Variants in SDC3 observed in about 807,000 individuals in gnomAD.
SDC3 encodes syndecan 3, also known as syndecan-3.
SDC3 carries 13 observed loss-of-function variants against 24.4 expected under a neutral mutation model. The observed-to-expected ratio is 0.53, with a 90% CI of 0.35 to 0.85. The LOEUF is 0.85. Among genes scored for constraint, SDC3 ranks in the 40% least tolerant of loss-of-function variants. SDC3 has a pLI of 0.01. For synonymous variants in SDC3, 295 were observed against 260.9 expected, an observed-to-expected ratio of 1.13 and a Z score of -1.26; for missense variants, 571 against 584.5, an observed-to-expected ratio of 0.98 and a Z score of 0.24.
chr1:30,897,624 G>A (rs990638711), intron 1 of SDC3, among the ~76,000 whole-genome samples: 5 of 151,790 alleles, frequency 3.3e-5, no homozygotes, highest in African/African-American at 1.2e-4. Context: ...CATTCATCCT[G>A]TAGGGATACC....
chr1:30,878,605 A>G lies in SDC3; in HGVS notation c.256+18T>C. On this transcript the variant is annotated intron_variant, in intron 2 of 4. Coordinates refer to ENST00000339394, the MANE Select transcript of SDC3 (RefSeq NM_014654.4). ...CTGGTCACTGCCCCCAGGCAGAGGT[A>G]GGGAGGGGGGTACTTACAGCCCGAG... 2 of 1,579,512 alleles carry G rather than the reference A, an allele frequency of 1.3e-6. No homozygotes were observed. Among genetic ancestry groups the G allele is most frequent in the South Asian group, 1.1e-5 (1 of 90,416 alleles).
At chr1:30,875,346 T>G (rs1393512936) in intron 3 of SDC3, among the ~76,000 whole-genome samples, 2 of 152,094 alleles carry the variant, frequency 1.3e-5, no homozygotes, top group African/African-American at 4.8e-5. Context: ...CTGTGCACCT[T>G]CTCCTGGGCT....
At chr1:30,903,859 C>T (rs1272758870) in intron 1 of SDC3, among the ~76,000 whole-genome samples, 1 of 152,154 alleles carries the variant, frequency 6.6e-6, no homozygotes, top group Non-Finnish European at 1.5e-5. Flanking sequence ...CATACTAGCT[C>T]TGCCACTTCT....
rs376005184 is a variant in SDC3, at chr1:30,873,180, G to T, written c.*31C>A. On this transcript the variant is annotated 3_prime_UTR_variant, in exon 5 of 5. Transcript: ENST00000339394. ...GCTGGGGACTGGACAGCAGGGTGGT[G>T]TTGAGGCTGCAGGGAGGCACTGTGG... is the stretch of plus-strand genomic sequence containing the variant. 17 of 1,571,598 alleles carry T rather than the reference G, an allele frequency of 1.1e-5. No homozygotes were observed. The African/African-American group carries it at 1.6e-4, about 15-fold the overall frequency.
chr1:30,878,595 A>G (rs1236902563), intron 2 of SDC3, 28 bp downstream of exon 2: 1 of 1,557,086 alleles, frequency 6.4e-7, no homozygotes. Flanking sequence ...CACTGCCCCC[A>G]GGCAGAGGTA....
At chr1:30,898,806 C>T (rs1638339117) in intron 1 of SDC3, among the ~76,000 whole-genome samples, 1 of 152,220 alleles carries the variant, frequency 6.6e-6, no homozygotes, top group Non-Finnish European at 1.5e-5. Context: ...TCACCATTCA[C>T]TCTTCCCATT....
intron 1 of SDC3, among the ~76,000 whole-genome samples, chr1:30,883,007 C>T (rs895064952): frequency 6.6e-6 from 1 of 152,198 alleles, no homozygotes; most frequent in Non-Finnish European, 1.5e-5. Context: ...GCCACGATTG[C>T]TGTTAGTTTA....
chr1:30,892,924 C>A (rs1639927251), intron 1 of SDC3, among the ~76,000 whole-genome samples: 3 of 152,174 alleles, frequency 2.0e-5, no homozygotes, highest in Non-Finnish European at 4.4e-5. Flanking sequence ...CCTGAGCCTC[C>A]CCCGGCAGGA....
intron 1 of SDC3, among the ~76,000 whole-genome samples, chr1:30,900,251 T>G (rs1638386420): frequency 6.6e-6 from 1 of 152,170 alleles, no homozygotes; most frequent in Admixed American, 6.5e-5. Flanking sequence ...AGATAAAGCA[T>G]GTTAAGCACT....
chr1:30,885,779 T>C (rs1639818558), intron 1 of SDC3, among the ~76,000 whole-genome samples: 1 of 152,116 alleles, frequency 6.6e-6, no homozygotes, highest in Non-Finnish European at 1.5e-5. Flanking sequence ...CCGCCCGCCT[T>C]CTCCCATCAG....
At chr1:30,904,621 C>G (rs1400970531) in intron 1 of SDC3, among the ~76,000 whole-genome samples, 1 of 152,150 alleles carries the variant, frequency 6.6e-6, no homozygotes, top group African/African-American at 2.4e-5. Context: ...GTTCAAATCC[C>G]AGCCCTGCCT....
chr1:30,872,944 A>C lies in SDC3; in HGVS notation c.*267T>G. On this transcript the variant is annotated 3_prime_UTR_variant, in exon 5 of 5. Transcript: ENST00000339394. ...GCTTTCTTCCTCCCATCCATCTGAC[A>C]TGAGGTCCTGAAGCCCCAGACTGGT... The C allele has an allele frequency of 6.4e-6, 3 of 467,524 alleles. No individual in the cohort carries two copies. The highest frequency in any genetic ancestry group is 1.1e-5 in the Non-Finnish European group (3 of 264,108). The allele number at this position is 467,524 out of a possible 1,614,324, so 29.0% of individuals were successfully genotyped here. A position where few individuals can be genotyped will look rare whatever the true frequency, so the allele number is the denominator to read the frequency against.
At chr1:30,880,488 C>T (rs1002955656) in intron 1 of SDC3, 3 of 152,158 alleles carry the variant, frequency 2.0e-5, no homozygotes, top group Admixed American at 6.6e-5. Context: ...GGGGAAGGGG[C>T]CACCTCAGTA....
intron 1 of SDC3, among the ~76,000 whole-genome samples, chr1:30,892,120 C>T (rs955206082): frequency 3.9e-5 from 6 of 152,076 alleles, no homozygotes; most frequent in African/African-American, 1.2e-4. Flanking sequence ...TCCTCTCCCC[C>T]ACTGAGCTCA....
In SDC3 at chr1:30,873,385, A is replaced by G; in HGVS notation, c.1163-8T>C. 1 of 1,612,376 alleles carries G rather than the reference A, an allele frequency of 6.2e-7. No homozygotes were observed. ...CCCCGCCCACAATCACAGCTGTGGA[A>G]GAAGAGGGCACAGGTCAAGGCCCAG... is the stretch of plus-strand genomic sequence containing the variant. On this transcript the variant is annotated splice_region_variant and splice_polypyrimidine_tract_variant and intron_variant, in intron 4 of 4. Transcript: ENST00000339394.
chr1:30,909,481 C>T (rs991619993), upstream of SDC3, among the ~76,000 whole-genome samples: 2 of 152,212 alleles, frequency 1.3e-5, no homozygotes, highest in African/African-American at 4.8e-5. Context: ...ACCACCCCCT[C>T]CAGTGCAGGA....
At position 30,876,920 on chromosome 1, in the gene SDC3, C is replaced by T; in HGVS notation, c.502G>A (p.Ala168Thr). ...TVSTTMATTA[A>T]TSTGDPTVAT... is the part of the protein sequence containing the mutation. ...ACAGTCGGGTCCCCTGTGCTTGTGG[C>T]AGCAGTGGTAGCCATGGTAGTGGAG... is the stretch of plus-strand genomic sequence containing the variant. Residue 168 changes from alanine to threonine, a missense_variant, in exon 3 of 5, where the codon GCC (alanine) becomes ACC (threonine). By Grantham distance (58) the Ala-to-Thr change is moderately conservative. Coordinates refer to ENST00000339394, the MANE Select transcript of SDC3 (RefSeq NM_014654.4). 4 of 1,613,818 alleles carry T rather than the reference C, an allele frequency of 2.5e-6. No individual in the cohort carries two copies. The highest frequency in any genetic ancestry group is 3.4e-6 in the Non-Finnish European group (4 of 1,179,942).
At chr1:30,878,510 G>A (rs1384729555) in intron 2 of SDC3, 113 bp downstream of exon 2, 3 of 774,134 alleles carry the variant, frequency 3.9e-6, no homozygotes, top group Non-Finnish European at 4.4e-6. Flanking sequence ...CCTGACCCAG[G>A]CAGTGAATGC....
chr1:30,876,642 G>A lies in SDC3; in HGVS notation c.780C>T (p.Pro260=), dbSNP rs202017266. 2.6e-4 allele frequency: 419 copies of A among 1,588,404 alleles called. 2 individuals carry two copies. The East Asian group carries it at 9.0e-3, about 34-fold the overall frequency. The change falls in exon 3 of 5, where the codon CCC becomes CCT. Residue 260 remains proline (P), a synonymous_variant. Coordinates refer to ENST00000339394, the MANE Select transcript of SDC3 (RefSeq NM_014654.4). The part of the protein sequence containing the change: ...STATSRPRAL[P]RPATTQEPDI... ...CAGGCTCCTGGGTGGTGGCCGGCCT[G>A]GGAAGGGCTCTTGGCCGGGAGGTAG...
Sources: allele counts gnomAD v4.1 joint callset (sites outside exome capture counted in the v4.1 genomes callset), GRCh38; gene constraint gnomAD v4.1.1; transcripts MANE v1.5; gene names NCBI Gene and HGNC (gene_info 2026-07-23, HGNC 2026-07-21).